ATRNL1: variants seen among roughly 807,000 people sequenced by gnomAD.
The protein encoded by ATRNL1 is attractin like 1.
A neutral mutation model predicts 182.7 loss-of-function variants in ATRNL1; 95 were observed. That is an observed-to-expected ratio of 0.52 (90% CI 0.44 to 0.62). The LOEUF (loss-of-function observed/expected upper bound fraction) is 0.62, where lower values mean the gene tolerates loss of function less well. Among genes scored for constraint, ATRNL1 ranks in the 20% least tolerant of loss-of-function variants. The probability of loss-of-function intolerance (pLI) is 0.00; values close to 1 mark genes in which losing one functional copy is unlikely to be tolerated. For synonymous variants in ATRNL1, 576 were observed against 568.3 expected, an observed-to-expected ratio of 1.01 and a Z score of -0.19; for missense variants, 1,471 against 1,679.5, an observed-to-expected ratio of 0.88 and a Z score of 2.17.
At chr10:115,542,153 G>C (rs74158364) in intron 25 of ATRNL1, among the ~76,000 whole-genome samples, 1 of 151,976 alleles carries the variant, frequency 6.6e-6, no homozygotes, top group Non-Finnish European at 1.5e-5. Flanking sequence ...TTAGATATTA[G>C]TCTTTCTAAT....
intron 14 of ATRNL1, 145 bp from the exon 15 acceptor site, chr10:115,286,071 A>C: frequency 1.9e-6 from 1 of 522,610 alleles, no homozygotes; most frequent in East Asian, 3.3e-5. Context: ...CCAAACTATT[A>C]GAAAAATTTA....
chr10:115,865,879 T>C (rs1951430034), intron 28 of ATRNL1, among the ~76,000 whole-genome samples: 1 of 152,206 alleles, frequency 6.6e-6, no homozygotes. Flanking sequence ...CTTGATTCTT[T>C]TTCTTTTCCT....
At chr10:115,275,262 G>T (rs1852053930) in intron 13 of ATRNL1, among the ~76,000 whole-genome samples, 1 of 152,176 alleles carries the variant, frequency 6.6e-6, no homozygotes, top group African/African-American at 2.4e-5. Flanking sequence ...TGGGCCCACT[G>T]TGAGAGGGAC....
chr10:115,467,242 C>T lies in ATRNL1; in HGVS notation c.3486C>T (p.Val1162=), dbSNP rs782815173. 1.6e-4 allele frequency: 258 copies of T among 1,599,958 alleles called. No homozygotes were observed. The highest frequency in any genetic ancestry group is 2.4e-4 in the South Asian group (22 of 89,872). The change falls in exon 23 of 29, where the codon GTC becomes GTT. Residue 1162 remains valine, a synonymous_variant. Coordinates refer to ENST00000355044, the MANE Select transcript of ATRNL1 (RefSeq NM_207303.4). ...TTAATCTCAACATTACGTGGTCTGT[C>T]GGTTCAACAGGTAAAAAAATGTTGA... ...NNFNLNITWS[V]GSTAGTISGE... is the part of the protein sequence containing the mutation.
At chr10:115,759,474 C>T (rs1023974251) in intron 27 of ATRNL1, among the ~76,000 whole-genome samples, 1 of 152,046 alleles carries the variant, frequency 6.6e-6, no homozygotes, top group African/African-American at 2.4e-5. Flanking sequence ...CCCATATTGT[C>T]AGATGACCCC....
chr10:115,315,252 T>A (rs1554929188), intron 17 of ATRNL1, among the ~76,000 whole-genome samples: 1 of 152,142 alleles, frequency 6.6e-6, no homozygotes, highest in Admixed American at 6.6e-5. Context: ...GGTCTTCAAT[T>A]ACTGATTTTA....
chr10:115,170,845 C>A (rs1847259549), intron 7 of ATRNL1, among the ~76,000 whole-genome samples, 192 bp from the exon 8 acceptor site: 1 of 151,894 alleles, frequency 6.6e-6, no homozygotes, highest in South Asian at 2.1e-4. Flanking sequence ...CTGTTTCCCC[C>A]CCTTTTTGTA....
At chr10:115,110,062 T>C (rs1844193062) in intron 1 of ATRNL1, among the ~76,000 whole-genome samples, 1 of 152,192 alleles carries the variant, frequency 6.6e-6, no homozygotes, top group Non-Finnish European at 1.5e-5. Context: ...ATTTTTATAA[T>C]GATGTTTTAT....
intron 26 of ATRNL1, among the ~76,000 whole-genome samples, chr10:115,707,852 G>A (rs893189176): frequency 6.6e-6 from 1 of 151,398 alleles, no homozygotes; most frequent in African/African-American, 2.4e-5. Context: ...GAATCTTAGC[G>A]GTGGAATTAC....
At chr10:115,896,249 A>G (rs1952204832) in intron 28 of ATRNL1, among the ~76,000 whole-genome samples, 1 of 152,262 alleles carries the variant, frequency 6.6e-6, no homozygotes, top group African/African-American at 2.4e-5. Context: ...TTATAAAGTA[A>G]GTAATGACTC....
chr10:115,254,512 G>A (rs534418754), intron 10 of ATRNL1, among the ~76,000 whole-genome samples: 1 of 146,298 alleles, frequency 6.8e-6, no homozygotes, highest in Non-Finnish European at 1.5e-5. Context: ...ATTTGTTTGA[G>A]TTCTTTGTAG....
At chr10:115,105,374 CAG>C (rs1843961099) in intron 1 of ATRNL1, among the ~76,000 whole-genome samples, 1 of 152,140 alleles carries the variant, frequency 6.6e-6, no homozygotes, top group Admixed American at 6.5e-5. Context: ...CAAAGGGAAA[CAG>C]AGCATAAAAA....
chr10:115,824,481 G>A (rs1950379232), intron 27 of ATRNL1, among the ~76,000 whole-genome samples: 4 of 152,080 alleles, frequency 2.6e-5, no homozygotes, highest in African/African-American at 9.7e-5. Flanking sequence ...TATCATCAGA[G>A]TGAACAGGCA....
chr10:115,362,519 GTT>G (rs148493482), intron 19 of ATRNL1, among the ~76,000 whole-genome samples: 3,112 of 139,862 alleles, frequency 0.022, 104 homozygotes, highest in African/African-American at 0.076. Flanking sequence ...GCAGTACATT[GTT>G]TTTTTTTTTT....
intron 26 of ATRNL1, among the ~76,000 whole-genome samples, chr10:115,648,707 T>C (rs1859790571): frequency 6.6e-6 from 1 of 152,224 alleles, no homozygotes; most frequent in South Asian, 2.1e-4. Context: ...TGGGAACCGT[T>C]GATAAATAGC....
intron 9 of ATRNL1, among the ~76,000 whole-genome samples, chr10:115,221,389 A>G (rs181366088): frequency 2.6e-5 from 4 of 152,310 alleles, no homozygotes; most frequent in South Asian, 4.1e-4. Flanking sequence ...TTTAGTAGAT[A>G]TGGTTACATA....
chr10:115,239,188 T>TCTTG (rs1182722328), intron 9 of ATRNL1, among the ~76,000 whole-genome samples: 1 of 130,564 alleles, frequency 7.7e-6, no homozygotes, highest in Non-Finnish European at 1.7e-5. Context: ...TATAGTATTT[T>TCTTG]CTTGTTTTGT....
chr10:115,267,061 T>C, intron 12 of ATRNL1, 56 bp downstream of exon 12: 1 of 1,170,978 alleles, frequency 8.5e-7, no homozygotes, highest in Admixed American at 1.9e-5. Context: ...TCTACAGAAG[T>C]AGAAATATCT....
intron 27 of ATRNL1, among the ~76,000 whole-genome samples, chr10:115,783,681 C>A (rs1267245547): frequency 6.6e-6 from 1 of 152,056 alleles, no homozygotes; most frequent in East Asian, 1.9e-4. Flanking sequence ...AGGAGATCAG[C>A]AGGAATTATT....
Sources: allele counts gnomAD v4.1 joint callset (sites outside exome capture counted in the v4.1 genomes callset), GRCh38; gene constraint gnomAD v4.1.1; transcripts MANE v1.5; gene names NCBI Gene and HGNC (gene_info 2026-07-23, HGNC 2026-07-21).